Variants in DPP6 observed in about 807,000 individuals in gnomAD.
DPP6 encodes the protein A-type potassium channel modulatory protein DPP6.
A neutral mutation model predicts 122.6 loss-of-function variants in DPP6; 69 were observed. That is an observed-to-expected ratio of 0.56 (90% CI 0.46 to 0.69). The LOEUF (loss-of-function observed/expected upper bound fraction) is 0.69. Ranked by LOEUF, DPP6 falls within the 30% of genes least tolerant of loss-of-function variation. The pLI, the probability that DPP6 is intolerant of heterozygous loss-of-function variation, is 0.00. For missense variants in DPP6, 928 were observed against 1,116.9 expected (o/e 0.83, Z 2.41); for synonymous variants, 418 against 433.1 (o/e 0.97, Z 0.43).
upstream of DPP6, among the ~76,000 whole-genome samples, chr7:153,884,696 C>T (rs900996443): frequency 2.6e-5 from 4 of 151,988 alleles, no homozygotes; most frequent in Middle Eastern, 3.4e-3. Flanking sequence ...ATATGTTTGT[C>T]GGCCGGGCGC....
At chr7:154,117,666 G>A (rs2150598486) in intron 1 of DPP6, among the ~76,000 whole-genome samples, 1 of 152,280 alleles carries the variant, frequency 6.6e-6, no homozygotes, top group Non-Finnish European at 1.5e-5. Flanking sequence ...CAAATGTCGT[G>A]AGCTTAGAAG....
the DPP6 span, among the ~76,000 whole-genome samples, chr7:153,827,280 A>G: frequency 6.6e-6 from 1 of 152,232 alleles, no homozygotes; most frequent in Non-Finnish European, 1.5e-5. Context: ...CATGTAGCAG[A>G]AAGAAACACA....
At chr7:154,358,568 G>T (rs1185027260) in intron 1 of DPP6, among the ~76,000 whole-genome samples, 1 of 152,164 alleles carries the variant, frequency 6.6e-6, no homozygotes, top group Non-Finnish European at 1.5e-5. Flanking sequence ...GGCACTCGAC[G>T]TGTGGGGGCA....
chr7:154,821,653 T>TATATACAC lies in DPP6; in HGVS notation c.1666+14546_1666+14547insCACATATA, dbSNP rs1554477669. Among the ~76,000 whole-genome samples the TATATACAC allele has an allele frequency of 0.018, 1,911 of 107,074 alleles. 49 individuals carry two copies. The highest frequency in any genetic ancestry group is 0.061 in the African/African-American group (1,801 of 29,632). The allele number at this position is 107,074 out of a possible 152,430, so 70.2% of individuals were successfully genotyped here. On this transcript the variant is annotated intron_variant, in intron 16 of 25. Transcript: ENST00000377770. This position sits in a 1 kb window ranked among gnomAD's most constrained non-coding sequence, Gnocchi z 4.2. ...GTATATATATATATATATACACATA[T>TATATACAC]ATATATATATACACATATATATATA...
chr7:153,765,549 C>CA, the DPP6 span, among the ~76,000 whole-genome samples: 56,240 of 137,128 alleles, frequency 0.41, 10,930 homozygotes, highest in South Asian at 0.51. Context: ...TGTAAAAAAA[C>CA]AAAAAAAAAA....
At chr7:153,857,843 G>C in the DPP6 span, among the ~76,000 whole-genome samples, 1 of 152,134 alleles carries the variant, frequency 6.6e-6, no homozygotes, top group Non-Finnish European at 1.5e-5. Context: ...CCACATACTT[G>C]GGTTTTGTGA....
intron 8 of DPP6, among the ~76,000 whole-genome samples, chr7:154,735,940 A>C (rs148033668): frequency 1.4e-4 from 22 of 152,356 alleles, no homozygotes; most frequent in Non-Finnish European, 2.2e-4. Context: ...CTTGACCCTG[A>C]GTCCCACCAG....
At chr7:154,443,625 G>A (rs1021348473) in intron 1 of DPP6, among the ~76,000 whole-genome samples, 6 of 125,404 alleles carry the variant, frequency 4.8e-5, no homozygotes, top group Admixed American at 1.5e-4. Context: ...TGGATATGTC[G>A]ATGAATGTGG....
At chr7:154,844,255 A>C (rs1801780661) in intron 16 of DPP6, among the ~76,000 whole-genome samples, 1 of 152,232 alleles carries the variant, frequency 6.6e-6, no homozygotes, top group African/African-American at 2.4e-5. Flanking sequence ...CAAGTAAAAA[A>C]CCAATGTGGT....
intron 1 of DPP6, among the ~76,000 whole-genome samples, chr7:153,953,027 A>G (rs1802293630): frequency 6.6e-6 from 1 of 152,168 alleles, no homozygotes; most frequent in Non-Finnish European, 1.5e-5. Context: ...GGCAGAGGGA[A>G]GGTGGGAGGA....
chr7:154,496,651 G>A (rs1824765626), intron 3 of DPP6, among the ~76,000 whole-genome samples: 1 of 152,208 alleles, frequency 6.6e-6, no homozygotes, highest in Admixed American at 6.5e-5. Context: ...AACAGAAAGG[G>A]GAAGGAGTCC....
At chr7:154,225,970 A>T (rs777083580) in intron 1 of DPP6, among the ~76,000 whole-genome samples, 1 of 151,900 alleles carries the variant, frequency 6.6e-6, no homozygotes, top group Non-Finnish European at 1.5e-5. Context: ...CATGTTACCC[A>T]CTTTTGATGA....
chr7:154,473,286 C>T (rs1335419983), intron 2 of DPP6, among the ~76,000 whole-genome samples: 2 of 152,132 alleles, frequency 1.3e-5, no homozygotes, highest in Non-Finnish European at 2.9e-5. Context: ...TGTGCCTTTT[C>T]CTGAGGCTGC....
intron 1 of DPP6, among the ~76,000 whole-genome samples, chr7:154,231,858 A>G (rs1800938316): frequency 6.6e-6 from 1 of 152,170 alleles, no homozygotes; most frequent in South Asian, 2.1e-4. Context: ...ATTTTCAAGT[A>G]TTTGAGCATA....
intron 3 of DPP6, among the ~76,000 whole-genome samples, chr7:154,528,072 T>G (rs904303399): frequency 6.6e-6 from 1 of 152,176 alleles, no homozygotes. Context: ...ATTTTCAGCT[T>G]GAAGAATCGC....
chr7:153,757,070 C>A, the DPP6 span, among the ~76,000 whole-genome samples: 1 of 151,970 alleles, frequency 6.6e-6, no homozygotes, highest in Non-Finnish European at 1.5e-5. Context: ...TTTTATAGGA[C>A]CCTCAAATCT....
intron 3 of DPP6, among the ~76,000 whole-genome samples, chr7:154,477,527 A>ACG (rs1822852588): frequency 6.6e-6 from 1 of 150,912 alleles, no homozygotes; most frequent in Non-Finnish European, 1.5e-5. Context: ...GCAGCATTCC[A>ACG]TGCCAAAAAA....
intron 5 of DPP6, among the ~76,000 whole-genome samples, chr7:154,571,204 CT>C (rs1278478303): frequency 1.3e-5 from 2 of 151,920 alleles, no homozygotes; most frequent in Admixed American, 1.3e-4. Context: ...GAAAAATTGC[CT>C]TAAAACAAAT....
At chr7:154,776,199 TGATA>T (rs5888595) in intron 10 of DPP6, among the ~76,000 whole-genome samples, 5,060 of 148,520 alleles carry the variant, frequency 0.034, 148 homozygotes, top group African/African-American at 0.078. Flanking sequence ...CCATGATAGA[TGATA>T]GATAGATAGA....
Sources: gnomAD v4.1 joint callset for allele counts (sites outside exome capture counted in the v4.1 genomes callset) on GRCh38, gnomAD v4.1.1 for gene constraint, Gnocchi (gnomAD v3.1) non-coding constraint, MANE v1.5 for transcripts, NCBI Gene and HGNC (gene_info 2026-07-23, HGNC 2026-07-21) for gene names.